SLC4A1: variants seen among roughly 807,000 people sequenced by gnomAD.
SLC4A1 encodes the protein band 3 anion transport protein.
Under a neutral mutation model 93.1 loss-of-function variants are expected in SLC4A1, and 29 were observed. The ratio of observed to expected loss-of-function variants is 0.31; its 90% confidence interval spans 0.23 to 0.42. SLC4A1 has a LOEUF of 0.42. Among genes scored for constraint, SLC4A1 ranks in the 20% least tolerant of loss-of-function variants. SLC4A1 has a pLI of 1.00. For missense variants in SLC4A1, 965 were observed against 1,190.1 expected (o/e 0.81, Z 2.78); for synonymous variants, 469 against 497.2 (o/e 0.94, Z 0.76).
In SLC4A1 at chr17:44,259,874, C is replaced by T; in HGVS notation, c.544G>A (p.Gly182Arg). 1 of 1,614,070 alleles carries T rather than the reference C, an allele frequency of 6.2e-7. No individual in the cohort carries two copies. The highest frequency in any genetic ancestry group is 8.5e-7 in the Non-Finnish European group (1 of 1,180,002). The part of the protein sequence containing the change: ...GVKPAVLTRS[G>R]DPSQPLLPQH... ...GGGAGCAGAGGCTGTGAAGGATCCC[C>T]AGAGCGTGTCAGGACTGCAGGCTTC... Residue 182 changes from glycine to arginine, a missense_variant, in exon 7 of 20, where the codon GGG (glycine) becomes AGG (arginine). Transcript: ENST00000262418.
chr17:44,258,634 G>T lies in SLC4A1; in HGVS notation c.877-11C>A. 6.3e-7 allele frequency: 1 copy of T among 1,577,140 alleles called. No homozygotes were observed. The highest frequency in any genetic ancestry group is 8.6e-7 in the Non-Finnish European group (1 of 1,162,720). On this transcript the variant is annotated splice_polypyrimidine_tract_variant and intron_variant, in intron 9 of 19. Coordinates refer to ENST00000262418, the MANE Select transcript of SLC4A1 (RefSeq NM_000342.4). This position sits in a 1 kb window ranked among gnomAD's most constrained non-coding sequence, Gnocchi z 6.1. ...ATCTATGCGGAACACCTAGGGGCAGGAGACAGGGTCAGAGCTGCCCGGACC... is the reference window on the plus strand; with the variant it reads ...ATCTATGCGGAACACCTAGGGGCAGTAGACAGGGTCAGAGCTGCCCGGACC...
chr17:44,266,820 C>T (rs1248984508), intron 1 of SLC4A1, among the ~76,000 whole-genome samples: 1 of 152,034 alleles, frequency 6.6e-6, no homozygotes, highest in South Asian at 2.1e-4. Flanking sequence ...TAAGGGTGAG[C>T]GGGACATCTG....
rs769631746 is a variant in SLC4A1 at position 44,259,558 on chromosome 17, G to T, written c.633C>A (p.His211Gln). 6.2e-7 allele frequency: 1 copy of T among 1,614,002 alleles called. No individual in the cohort carries two copies. Reference sequence around the variant, plus strand: ...TCTTTTCCAGAATTCCAGATGGTGAGTGCCCTTCTGTGCCCCCATCTCCCT... The same window carrying T: ...TCTTTTCCAGAATTCCAGATGGTGATTGCCCTTCTGTGCCCCCATCTCCCT... ...CEQGDGGTEGHSPSGILEKIP... is the reference protein window; with the variant it reads ...CEQGDGGTEGQSPSGILEKIP... Residue 211 changes from histidine (H) to glutamine (Q), a missense_variant, in exon 8 of 20, where the codon CAC becomes CAA. Transcript: ENST00000262418.
chr17:44,263,618 G>A (rs769781159), intron 1 of SLC4A1, among the ~76,000 whole-genome samples: 3 of 151,548 alleles, frequency 2.0e-5, no homozygotes, highest in Non-Finnish European at 4.4e-5. Context: ...CGGCCCAAAT[G>A]TCTCCTCTTC....
chr17:44,257,037 G>A (rs1441200810), intron 13 of SLC4A1, among the ~76,000 whole-genome samples: 1 of 151,604 alleles, frequency 6.6e-6, no homozygotes, highest in African/African-American at 2.4e-5. Context: ...TGTTGCCCAG[G>A]CTGGAGTGTA....
intron 17 of SLC4A1, 38 bp downstream of exon 17, chr17:44,253,080 C>A (rs377642101): frequency 5.6e-6 from 9 of 1,602,040 alleles, no homozygotes; most frequent in Middle Eastern, 3.3e-4. Flanking sequence ...GGGTGAGGGG[C>A]AGGAGGATGG....
At chr17:44,255,476 C>A (rs1291209185) in intron 14 of SLC4A1, among the ~76,000 whole-genome samples, 180 bp from the exon 15 acceptor site, 7 of 152,150 alleles carry the variant, frequency 4.6e-5, no homozygotes, top group Admixed American at 3.9e-4. Context: ...AGTTCTCAGG[C>A]TGGGCATGCC....
intron 17 of SLC4A1, 62 bp downstream of exon 17, chr17:44,253,056 G>A (rs566131542): frequency 3.8e-6 from 6 of 1,579,062 alleles, no homozygotes; most frequent in Non-Finnish European, 4.3e-6. Context: ...GAAAGGGGAA[G>A]GGGAAGGGGC....
rs954422238 is a variant in SLC4A1 at position 44,249,884 on chromosome 17, T to C, written c.*574A>G. The stretch of plus-strand genomic sequence containing the variant: ...TTCAAATCCCAGCTGCACGGCTCAG[T>C]TCAAATCCCAGCTATGTGACCTTGG... On this transcript the variant is annotated 3_prime_UTR_variant, in exon 20 of 20. Transcript: ENST00000262418. The C allele has an allele frequency of 1.3e-5, 2 of 159,514 alleles. No homozygotes were observed. The highest frequency in any genetic ancestry group is 5.9e-5 in the Admixed American group (1 of 16,972). 9.9% of individuals were successfully genotyped at this position (159,514 alleles called of 1,614,324 possible).
Position 44,259,848 on chromosome 17 carries a change from G to C in SLC4A1, c.570C>G (p.Pro190=), listed in dbSNP as rs781312091. 5.3e-5 allele frequency: 86 copies of C among 1,613,940 alleles called. No homozygotes were observed. The highest frequency in any genetic ancestry group is 6.5e-5 in the Non-Finnish European group (77 of 1,180,020). Residue 190 remains proline (P), a synonymous_variant, in exon 7 of 20, where the codon CCC becomes CCG. Transcript: ENST00000262418. The part of the protein sequence containing the change: ...RSGDPSQPLL[P]QHSSLETQLF... ...GCTGTGTCTCCAGTGAGGAGTGTTG[G>C]GGGAGCAGAGGCTGTGAAGGATCCC... is the stretch of plus-strand genomic sequence containing the variant.
chr17:44,260,610 G>T (rs374103030), intron 5 of SLC4A1, 25 bp downstream of exon 5: 9 of 1,614,130 alleles, frequency 5.6e-6, no homozygotes, highest in Non-Finnish European at 7.6e-6. Context: ...TCTGCAGGGG[G>T]TCCAGAAGGG....
rs2047315661 is a variant in SLC4A1, at chr17:44,248,854, T to TTTTTG, written c.*1603_*1604insCAAAA. ...CAAGGCTGATGTTTCCTTCCGTTTT[T>TTTTTG]TTTTTTTTTTTTTTTTTTTTTTTGA... On this transcript the variant is annotated 3_prime_UTR_variant, in exon 20 of 20. Transcript: ENST00000262418. The TTTTTG allele has an allele frequency of 7.8e-6, 1 of 128,700 alleles. No individual in the cohort carries two copies. The highest frequency in any genetic ancestry group is 7.9e-5 in the Admixed American group (1 of 12,658). 8.0% of individuals were successfully genotyped at this position (128,700 alleles called of 1,614,324 possible).
chr17:44,263,199 C>T (rs947486628), intron 1 of SLC4A1, among the ~76,000 whole-genome samples: 2 of 152,164 alleles, frequency 1.3e-5, no homozygotes, highest in African/African-American at 4.8e-5. Flanking sequence ...ATGGGCAGGT[C>T]ACCCTCAGGT....
intron 6 of SLC4A1, among the ~76,000 whole-genome samples, 170 bp from the exon 7 acceptor site, chr17:44,260,102 C>G (rs2047429421): frequency 6.6e-6 from 1 of 152,156 alleles, no homozygotes; most frequent in Admixed American, 6.5e-5. Flanking sequence ...GAATCAGAGC[C>G]TCCTCTCCAA....
Position 44,255,233 on chromosome 17 carries a change from A to G in SLC4A1, c.1864T>C (p.Phe622Leu), listed in dbSNP as rs772007058. ...ISILIMVLVD[F>L]FIQDTYTQKL... is the part of the protein sequence containing the mutation. ...TGGGTGTAGGTATCCTGAATGAAGAAATCCACCAGGACCATGATCAGGATG... is the reference window on the plus strand; with the variant it reads ...TGGGTGTAGGTATCCTGAATGAAGAGATCCACCAGGACCATGATCAGGATG... The change falls in exon 15 of 20, where the codon TTC (phenylalanine) becomes CTC (leucine). Residue 622 changes from phenylalanine to leucine, a missense_variant. Transcript: ENST00000262418. 6.4e-7 allele frequency: 1 copy of G among 1,557,932 alleles called. No homozygotes were observed. Among genetic ancestry groups the G allele is most frequent in the South Asian group, 1.2e-5 (1 of 84,540 alleles).
At chr17:44,262,979 G>T in intron 1 of SLC4A1, 45 bp from the exon 2 acceptor site, 2 of 1,535,846 alleles carry the variant, frequency 1.3e-6, no homozygotes, top group Non-Finnish European at 1.8e-6. Context: ...GGCATCCCAG[G>T]GTCTCCTGGT....
rs765327742 is a variant in SLC4A1 at position 44,257,343 on chromosome 17, C to A, written c.1626+7G>T. 5.6e-6 allele frequency: 9 copies of A among 1,613,382 alleles called. No individual in the cohort carries two copies. In the Admixed American group the frequency reaches 1.2e-4, roughly 21 times the overall value. On this transcript the variant is annotated splice_region_variant and intron_variant, in intron 13 of 19. Transcript: ENST00000262418. ...CCGTGTGCATTAACATCCCCATAGG[C>A]CCCCACCTTGATCAGCTTGGAGAAA... is the stretch of plus-strand genomic sequence containing the variant.
chr17:44,254,461 A>AACCAAC, intron 16 of SLC4A1, 35 bp downstream of exon 16: 1 of 654,150 alleles, frequency 1.5e-6, no homozygotes, highest in Non-Finnish European at 2.8e-6. Context: ...CCTGCCTCCC[A>AACCAAC]CCCTCCCAGG....
intron 16 of SLC4A1, 82 bp downstream of exon 16, chr17:44,254,414 G>T: frequency 7.3e-7 from 1 of 1,373,456 alleles, no homozygotes; most frequent in Non-Finnish European, 1.0e-6. Context: ...GCAGTCCTGG[G>T]TCTCTTGCCT....
Sources: allele counts gnomAD v4.1 joint callset (sites outside exome capture counted in the v4.1 genomes callset), GRCh38; gene constraint gnomAD v4.1.1; non-coding constraint Gnocchi (gnomAD v3.1); transcripts MANE v1.5; gene names NCBI Gene and HGNC (gene_info 2026-07-23, HGNC 2026-07-21).